IL1RAPL1: variants seen among roughly 807,000 people sequenced by gnomAD.
IL1RAPL1 encodes the protein interleukin-1 receptor accessory protein-like 1.
In IL1RAPL1, 3 loss-of-function variants were observed where a neutral mutation model predicts 48.4. The observed-to-expected ratio is 0.06, with a 90% CI of 0.03 to 0.16. IL1RAPL1 has a LOEUF of 0.16. Among genes scored for constraint, IL1RAPL1 ranks in the 10% least tolerant of loss-of-function variants. The pLI is 1.00. For missense variants in IL1RAPL1, 349 were observed against 530.6 expected, an observed-to-expected ratio of 0.66 and a Z score of 3.36; for synonymous variants, 185 against 187.7, an observed-to-expected ratio of 0.99 and a Z score of 0.12.
At chrX:29,336,305 GT>G (rs1349056577) in intron 3 of IL1RAPL1, among the ~76,000 whole-genome samples, 445 of 8,576 alleles carry the variant, frequency 0.052, 24 homozygotes, top group African/African-American at 0.16. Flanking sequence ...CCGTTTTGGG[GT>G]GTGTGTGTGT....
chrX:29,786,554 C>G (rs1786510807), intron 6 of IL1RAPL1, among the ~76,000 whole-genome samples: 1 of 111,707 alleles, frequency 9.0e-6, no homozygotes, highest in South Asian at 3.8e-4. Flanking sequence ...TGTGGAGTTT[C>G]AAGTTCGAGA....
intron 2 of IL1RAPL1, among the ~76,000 whole-genome samples, chrX:29,248,566 C>G (rs772450239): frequency 1.8e-5 from 2 of 112,209 alleles, no homozygotes; most frequent in South Asian, 3.6e-4. Context: ...AAAGGAAATT[C>G]AATTGACTTT....
chrX:29,665,672 A>T, intron 5 of IL1RAPL1, among the ~76,000 whole-genome samples: 1 of 112,223 alleles, frequency 8.9e-6, no homozygotes, highest in African/African-American at 3.2e-5. Flanking sequence ...TCATTTTGCC[A>T]ATGTGTCAAA....
At chrX:29,890,197 A>C (rs1932249236) in intron 6 of IL1RAPL1, among the ~76,000 whole-genome samples, 1 of 111,724 alleles carries the variant, frequency 9.0e-6, no homozygotes, top group Non-Finnish European at 1.9e-5. Context: ...ATAGTTTGGA[A>C]CTAGTTGCCA....
At chrX:29,459,602 A>G (rs988667260) in intron 5 of IL1RAPL1, among the ~76,000 whole-genome samples, 1 of 111,695 alleles carries the variant, frequency 9.0e-6, no homozygotes, top group Non-Finnish European at 1.9e-5. Context: ...TCTAAAAAAG[A>G]GGTTGTTGAG....
chrX:29,498,319 G>A (rs146675677), intron 5 of IL1RAPL1, among the ~76,000 whole-genome samples: 3,091 of 111,292 alleles, frequency 0.028, 68 homozygotes, highest in Non-Finnish European at 0.043. Context: ...GGATGGAAAT[G>A]TGATTTCTGT....
intron 2 of IL1RAPL1, among the ~76,000 whole-genome samples, chrX:28,791,677 A>G (rs1936540644): frequency 8.9e-6 from 1 of 112,155 alleles, no homozygotes; most frequent in Non-Finnish European, 1.9e-5. Flanking sequence ...TTACTTTTCT[A>G]TATGATGTGA....
chrX:29,682,342 C>T (rs997771421), intron 6 of IL1RAPL1, among the ~76,000 whole-genome samples: 1 of 110,964 alleles, frequency 9.0e-6, no homozygotes, highest in Non-Finnish European at 1.9e-5. Context: ...CACCCTTGAC[C>T]ATACCATGGA....
intron 6 of IL1RAPL1, among the ~76,000 whole-genome samples, chrX:29,838,937 G>A (rs1398821201): frequency 8.9e-6 from 1 of 111,800 alleles, no homozygotes; most frequent in East Asian, 2.8e-4. Flanking sequence ...GCTTCAGCTG[G>A]CATGGCTTGC....
intron 3 of IL1RAPL1, among the ~76,000 whole-genome samples, chrX:29,361,965 A>G (rs1441805764): frequency 8.9e-6 from 1 of 112,131 alleles, no homozygotes; most frequent in Non-Finnish European, 1.9e-5. Flanking sequence ...GAAAGATGAG[A>G]GCCAAGAGAG....
At chrX:29,413,063 C>T (rs1321299962) in intron 5 of IL1RAPL1, among the ~76,000 whole-genome samples, 2 of 111,559 alleles carry the variant, frequency 1.8e-5, no homozygotes, top group Non-Finnish European at 3.8e-5. Flanking sequence ...GTAATTGAGT[C>T]ATGGGGGCGG....
chrX:29,637,593 C>T (rs932513495), intron 5 of IL1RAPL1, among the ~76,000 whole-genome samples: 2 of 110,658 alleles, frequency 1.8e-5, no homozygotes, highest in South Asian at 3.8e-4. Flanking sequence ...AAAATAAATC[C>T]TCTTTCACAA....
At chrX:29,454,768 A>G (rs1208987815) in intron 5 of IL1RAPL1, among the ~76,000 whole-genome samples, 1 of 110,499 alleles carries the variant, frequency 9.0e-6, no homozygotes, top group Non-Finnish European at 1.9e-5. Flanking sequence ...CCATCACCAA[A>G]GAGGTGAGAA....
chrX:29,386,263 C>T (rs1470465390), intron 3 of IL1RAPL1, among the ~76,000 whole-genome samples: 6 of 111,264 alleles, frequency 5.4e-5, no homozygotes, highest in Admixed American at 9.6e-5. Flanking sequence ...CTCCTGACCT[C>T]GTGATCCACC....
intron 5 of IL1RAPL1, among the ~76,000 whole-genome samples, chrX:29,552,802 C>CCT (rs766024975): frequency 0.019 from 431 of 23,092 alleles, 10 homozygotes; most frequent in Non-Finnish European, 0.027. Context: ...TTTCACTCTC[C>CCT]TTTTTTTTTT....
chrX:29,389,084 C>T (rs747964930), intron 3 of IL1RAPL1, among the ~76,000 whole-genome samples: 4 of 111,197 alleles, frequency 3.6e-5, no homozygotes, highest in East Asian at 2.8e-4. Context: ...TGGCCAGGTG[C>T]GGTGGCTCAC....
chrX:28,906,673 C>A (rs1923224481), intron 2 of IL1RAPL1, among the ~76,000 whole-genome samples: 1 of 111,519 alleles, frequency 9.0e-6, no homozygotes, highest in African/African-American at 3.3e-5. Flanking sequence ...TATATCCAAG[C>A]TATTTAGGTA....
At chrX:29,617,650 C>T (rs369671795) in intron 5 of IL1RAPL1, among the ~76,000 whole-genome samples, 1 of 112,142 alleles carries the variant, frequency 8.9e-6, no homozygotes, top group African/African-American at 3.2e-5. Flanking sequence ...AACTAAAGCT[C>T]ATGTGTCTGC....
chrX:28,968,450 G>T (rs928072728), intron 2 of IL1RAPL1, among the ~76,000 whole-genome samples: 1 of 111,268 alleles, frequency 9.0e-6, no homozygotes, highest in Non-Finnish European at 1.9e-5. Context: ...ATGATCTCAG[G>T]CAGGCAAATA....
Sources: allele counts gnomAD v4.1 joint callset (sites outside exome capture counted in the v4.1 genomes callset), GRCh38; gene constraint gnomAD v4.1.1; transcripts MANE v1.5; gene names NCBI Gene and HGNC (gene_info 2026-07-23, HGNC 2026-07-21).